KCNG3: variants seen among roughly 807,000 people sequenced by gnomAD.
KCNG3 encodes the protein potassium voltage-gated channel modifier subfamily G member 3.
Under a neutral mutation model 29.0 loss-of-function variants are expected in KCNG3, and 15 were observed. That is an observed-to-expected ratio of 0.52 (90% CI 0.35 to 0.80). The LOEUF is 0.80. Ranked by LOEUF, KCNG3 falls within the 30% of genes least tolerant of loss-of-function variation. The probability of loss-of-function intolerance (pLI) is 0.01; values close to 1 mark genes in which losing one functional copy is unlikely to be tolerated. For missense variants in KCNG3, 512 were observed against 605.7 expected (o/e 0.85, Z 1.62); for synonymous variants, 322 against 248.9 (o/e 1.29, Z -2.76).
At chr2:42,395,682 T>C in the KCNG3 span, among the ~76,000 whole-genome samples, 3 of 152,188 alleles carry the variant, frequency 2.0e-5, no homozygotes, top group Non-Finnish European at 4.4e-5. Context: ...AAGCCAGCCA[T>C]GTTGACTCAC....
At chr2:42,394,904 T>G in the KCNG3 span, among the ~76,000 whole-genome samples, 2 of 152,214 alleles carry the variant, frequency 1.3e-5, no homozygotes, top group Non-Finnish European at 2.9e-5. Context: ...CTTTCTAGTC[T>G]CAGACCACTC....
At chr2:42,462,481 A>T (rs758279894) in intron 1 of KCNG3, among the ~76,000 whole-genome samples, 1 of 152,150 alleles carries the variant, frequency 6.6e-6, no homozygotes, top group Non-Finnish European at 1.5e-5. Flanking sequence ...CAGGAGTTGG[A>T]GACCAGCCTG....
chr2:42,392,960 T>G, the KCNG3 span, among the ~76,000 whole-genome samples: 1 of 152,096 alleles, frequency 6.6e-6, no homozygotes, highest in African/African-American at 2.4e-5. Context: ...TCAGTTAGGA[T>G]TGGGTTCAGC....
the KCNG3 span, among the ~76,000 whole-genome samples, chr2:42,410,950 A>C: frequency 1.3e-5 from 2 of 152,152 alleles, no homozygotes; most frequent in African/African-American, 4.8e-5. Context: ...TTTAACCTTT[A>C]ACCACTGGGA....
chr2:42,450,752 T>C (rs1316696134), intron 1 of KCNG3, among the ~76,000 whole-genome samples: 2 of 152,174 alleles, frequency 1.3e-5, no homozygotes, highest in Non-Finnish European at 2.9e-5. Flanking sequence ...ATCTCCGCTT[T>C]ACAGATGACA....
the KCNG3 span, among the ~76,000 whole-genome samples, chr2:42,428,805 C>T: frequency 6.6e-6 from 1 of 152,106 alleles, no homozygotes; most frequent in Non-Finnish European, 1.5e-5. Flanking sequence ...GGTTGTGGGG[C>T]CTCCTGCTGA....
At chr2:42,431,343 T>C in the KCNG3 span, among the ~76,000 whole-genome samples, 4 of 152,036 alleles carry the variant, frequency 2.6e-5, no homozygotes, top group Non-Finnish European at 2.9e-5. Flanking sequence ...TAAATAAATA[T>C]GTAACATTAA....
chr2:42,415,816 G>A, the KCNG3 span, among the ~76,000 whole-genome samples: 1 of 152,152 alleles, frequency 6.6e-6, no homozygotes, highest in Non-Finnish European at 1.5e-5. Context: ...AAGACATTAT[G>A]TTAAGTGAAA....
the KCNG3 span, among the ~76,000 whole-genome samples, chr2:42,403,093 A>T: frequency 2.0e-5 from 3 of 152,114 alleles, no homozygotes; most frequent in Admixed American, 2.0e-4. Context: ...TTTATTTCTA[A>T]GTATTTTCTT....
At chr2:42,478,956 ATTTT>A (rs58327433) in intron 1 of KCNG3, among the ~76,000 whole-genome samples, 81 of 143,452 alleles carry the variant, frequency 5.6e-4, no homozygotes, top group African/African-American at 1.5e-3. Flanking sequence ...CAGAGTTTGA[ATTTT>A]TTTTTTTTTT....
At chr2:42,427,306 A>C in the KCNG3 span, among the ~76,000 whole-genome samples, 2 of 152,186 alleles carry the variant, frequency 1.3e-5, no homozygotes, top group African/African-American at 4.8e-5. Flanking sequence ...AAATGCACAA[A>C]ATAAAAATGT....
chr2:42,423,398 G>A, the KCNG3 span, among the ~76,000 whole-genome samples: 1 of 152,148 alleles, frequency 6.6e-6, no homozygotes, highest in African/African-American at 2.4e-5. Context: ...GCAGGGTGAA[G>A]CCCACCTTCT....
rs1486918061 is a variant in KCNG3, at chr2:42,463,242, T to C, written c.666-18663A>G. On this transcript the variant is annotated intron_variant, in intron 1 of 1. Transcript: ENST00000306078. ...CAGCTTGATACTTGGCTTTACGGTC[T>C]GAGTGTACCCTAAACCTATCAGGCT... The C allele has an allele frequency of 1.2e-5, 4 of 325,270 alleles. No individual in the cohort carries two copies. In the East Asian group the frequency reaches 3.4e-4, roughly 28 times the overall value. 20.1% of individuals were successfully genotyped at this position (325,270 alleles called of 1,614,324 possible).
the KCNG3 span, among the ~76,000 whole-genome samples, chr2:42,426,660 C>T: frequency 1.3e-5 from 2 of 152,158 alleles, no homozygotes; most frequent in South Asian, 2.1e-4. Context: ...TATTTTTTTC[C>T]ATAAAGTCTT....
the KCNG3 span, among the ~76,000 whole-genome samples, chr2:42,400,135 G>C: frequency 2.0e-5 from 3 of 152,142 alleles, no homozygotes; most frequent in South Asian, 6.2e-4. Context: ...GGCAGTGTGG[G>C]AGAGGGCTGG....
chr2:42,475,338 T>C (rs1170172570), intron 1 of KCNG3, among the ~76,000 whole-genome samples: 2 of 150,416 alleles, frequency 1.3e-5, no homozygotes, highest in African/African-American at 2.4e-5. Flanking sequence ...TTTTTTTTTT[T>C]TTTTTGAGAT....
rs765303115 is a variant in KCNG3 at position 42,493,496 on chromosome 2, G to A, written c.6C>T (p.Thr2=). 4.3e-6 allele frequency: 6 copies of A among 1,381,750 alleles called. No individual in the cohort carries two copies. The highest frequency in any genetic ancestry group is 5.8e-5 in the East Asian group (2 of 34,278). The allele number at this position is 1,381,750 out of a possible 1,614,324, so 85.6% of individuals were successfully genotyped here. A position where few individuals can be genotyped will look rare whatever the true frequency, so the allele number is the denominator to read the frequency against. M[T]FGRSGAASVV... ...CCGAGGCCGCCCCGCTGCGCCCGAAGGTCATGGCTGGCCGCCCGGGGGACT... is the reference window on the plus strand; with the variant it reads ...CCGAGGCCGCCCCGCTGCGCCCGAAAGTCATGGCTGGCCGCCCGGGGGACT... The change falls in exon 1 of 2, where the codon ACC becomes ACT. Residue 2 remains threonine (T), a synonymous_variant. Transcript: ENST00000306078.
At chr2:42,410,222 GATT>G in the KCNG3 span, among the ~76,000 whole-genome samples, 1 of 152,234 alleles carries the variant, frequency 6.6e-6, no homozygotes, top group Non-Finnish European at 1.5e-5. Flanking sequence ...GGGGCAATCG[GATT>G]ATTTACAATC....
At chr2:42,454,774 A>C (rs2103679138) in intron 1 of KCNG3, among the ~76,000 whole-genome samples, 1 of 152,354 alleles carries the variant, frequency 6.6e-6, no homozygotes, top group African/African-American at 2.4e-5. Flanking sequence ...CATTACGTTA[A>C]GTGAAATAAG....
Sources: gnomAD v4.1 joint callset for allele counts (sites outside exome capture counted in the v4.1 genomes callset) on GRCh38, gnomAD v4.1.1 for gene constraint, MANE v1.5 for transcripts, NCBI Gene and HGNC (gene_info 2026-07-23, HGNC 2026-07-21) for gene names.